Variants in CAMTA1 observed in about 807,000 individuals in gnomAD.
CAMTA1 encodes calmodulin-binding transcription activator 1.
A neutral mutation model predicts 170.9 loss-of-function variants in CAMTA1; 27 were observed. That is an observed-to-expected ratio of 0.16 (90% CI 0.12 to 0.22). The LOEUF is 0.22. Among genes scored for constraint, CAMTA1 ranks in the 10% least tolerant of loss-of-function variants. The pLI is 1.00. For missense variants in CAMTA1, 1,619 were observed against 2,217.2 expected (o/e 0.73, Z 5.42); for synonymous variants, 833 against 891.5 (o/e 0.93, Z 1.17).
chr1:7,276,303 A>ATTTTTTTT (rs1180773965), intron 5 of CAMTA1, among the ~76,000 whole-genome samples: 8 of 24,222 alleles, frequency 3.3e-4, no homozygotes, highest in Admixed American at 1.3e-3. Flanking sequence ...ATATATATAT[A>ATTTTTTTT]TTTTTTTTTT....
intron 3 of CAMTA1, among the ~76,000 whole-genome samples, chr1:7,034,022 A>AT (rs1354175558): frequency 1.3e-5 from 2 of 151,918 alleles, no homozygotes; most frequent in African/African-American, 4.8e-5. Flanking sequence ...TTCAGGGCTG[A>AT]TTTTTTTTAC....
intron 3 of CAMTA1, among the ~76,000 whole-genome samples, chr1:6,855,553 G>T (rs932673758): frequency 1.4e-4 from 21 of 151,682 alleles, no homozygotes; most frequent in Non-Finnish European, 3.1e-4. Flanking sequence ...CCAAAGGGAC[G>T]GTGCTAAGCC....
At chr1:7,470,198 GT>G (rs2093304827) in intron 6 of CAMTA1, among the ~76,000 whole-genome samples, 1 of 152,204 alleles carries the variant, frequency 6.6e-6, no homozygotes, top group African/African-American at 2.4e-5. Flanking sequence ...GCACACAGGT[GT>G]AGGGGGTTCC....
chr1:6,848,777 T>A (rs1478948661), intron 3 of CAMTA1, among the ~76,000 whole-genome samples: 1 of 152,190 alleles, frequency 6.6e-6, no homozygotes, highest in East Asian at 1.9e-4. Context: ...ATTTTGTAAA[T>A]ACTTAGGGGA....
At chr1:6,907,664 G>T (rs769045318) in intron 3 of CAMTA1, among the ~76,000 whole-genome samples, 3 of 152,222 alleles carry the variant, frequency 2.0e-5, no homozygotes, top group Non-Finnish European at 4.4e-5. Context: ...GAGTCGAGCA[G>T]CAGGTACGGG....
At chr1:6,899,595 G>C (rs892463360) in intron 3 of CAMTA1, among the ~76,000 whole-genome samples, 13 of 124,930 alleles carry the variant, frequency 1.0e-4, no homozygotes, top group South Asian at 2.6e-4. Context: ...CACACACACA[G>C]AGTTTCACTA....
At chr1:7,273,363 A>G (rs887481207) in intron 5 of CAMTA1, among the ~76,000 whole-genome samples, 5 of 152,274 alleles carry the variant, frequency 3.3e-5, no homozygotes, top group Non-Finnish European at 5.9e-5. Context: ...AATGTAGTCT[A>G]TCCATACAAT....
rs562149563 is a variant in CAMTA1, at chr1:7,524,793, G to A, written c.510+56892G>A. Among the ~76,000 whole-genome samples, 297 of 152,156 alleles carry A rather than the reference G, an allele frequency of 2.0e-3. 1 individual carries two copies. Among genetic ancestry groups the A allele is most frequent in the African/African-American group, 3.3e-3 (135 of 41,480 alleles). ...CCCCTCACAGGATCCTGGAGGGCCC[G>A]GTGGGTAAGGGGTCCACAGCCTCCC... On this transcript the variant is annotated intron_variant, in intron 6 of 22. Transcript: ENST00000303635.
intron 3 of CAMTA1, among the ~76,000 whole-genome samples, chr1:6,857,654 T>C (rs1422122700): frequency 6.6e-6 from 1 of 151,558 alleles, no homozygotes; most frequent in Non-Finnish European, 1.5e-5. Flanking sequence ...AGCTAGACCA[T>C]AGAGGGAAGA....
chr1:7,034,561 G>T (rs1310953347), intron 3 of CAMTA1, among the ~76,000 whole-genome samples: 1 of 152,228 alleles, frequency 6.6e-6, no homozygotes, highest in African/African-American at 2.4e-5. Context: ...CCTCTGCACA[G>T]CTCTGGAGTT....
At chr1:7,362,936 C>T (rs371453771) in intron 5 of CAMTA1, among the ~76,000 whole-genome samples, 3 of 145,884 alleles carry the variant, frequency 2.1e-5, no homozygotes, top group Middle Eastern at 4.2e-3. Context: ...TTGAATAGAG[C>T]GAGTGAACTT....
intron 5 of CAMTA1, among the ~76,000 whole-genome samples, chr1:7,320,156 G>A (rs186014170): frequency 6.6e-6 from 1 of 152,286 alleles, no homozygotes; most frequent in Non-Finnish European, 1.5e-5. Context: ...ACGTGGTAAG[G>A]TGATTGTAGG....
chr1:7,602,142 T>C (rs865919628), intron 6 of CAMTA1, among the ~76,000 whole-genome samples: 187 of 87,320 alleles, frequency 2.1e-3, no homozygotes, highest in South Asian at 3.2e-3. Flanking sequence ...CTTCCTTCCT[T>C]CCTCCCTCCC....
At chr1:6,875,362 G>GCT (rs1394602340) in intron 3 of CAMTA1, among the ~76,000 whole-genome samples, 1 of 152,124 alleles carries the variant, frequency 6.6e-6, no homozygotes, top group Non-Finnish European at 1.5e-5. Flanking sequence ...CGCGATCTCA[G>GCT]CTCACTGCAA....
At chr1:6,792,098 C>T (rs181606794) in intron 1 of CAMTA1, among the ~76,000 whole-genome samples, 5 of 151,978 alleles carry the variant, frequency 3.3e-5, no homozygotes, top group Non-Finnish European at 5.9e-5. Flanking sequence ...GGATTACAGG[C>T]GTGCACCACC....
chr1:6,821,370 C>G (rs1646468099), intron 2 of CAMTA1, among the ~76,000 whole-genome samples: 1 of 152,120 alleles, frequency 6.6e-6, no homozygotes, highest in Admixed American at 6.5e-5. Flanking sequence ...CTGCTGTGAG[C>G]ATTATGCTGA....
intron 5 of CAMTA1, among the ~76,000 whole-genome samples, chr1:7,380,574 C>CA (rs1054717054): frequency 2.6e-5 from 4 of 151,740 alleles, no homozygotes; most frequent in South Asian, 2.1e-4. Context: ...AACTCTGTCT[C>CA]AAAAAAAAGA....
chr1:7,293,043 CG>C lies in CAMTA1; in HGVS notation c.438+43419del, dbSNP rs1327575461. On this transcript the variant is annotated intron_variant, in intron 5 of 22. Transcript: ENST00000303635. This position sits in a 1 kb window ranked among gnomAD's most constrained non-coding sequence, Gnocchi z 4.1. ...AACCACCCTAGGAAGTGGCAAGCTC[CG>C]GCGGGGTGTCCTACTCCCTGCTGGG... Among the ~76,000 whole-genome samples, 2 of 152,254 alleles carry C rather than the reference CG, an allele frequency of 1.3e-5. No individual in the cohort carries two copies. Among genetic ancestry groups the C allele is most frequent in the African/African-American group, 4.8e-5 (2 of 41,564 alleles).
At chr1:7,539,354 G>C (rs11585303) in intron 6 of CAMTA1, among the ~76,000 whole-genome samples, 3 of 152,182 alleles carry the variant, frequency 2.0e-5, no homozygotes, top group Admixed American at 6.5e-5. Context: ...CTTTTCTTAT[G>C]GTGTCTGCAC....
Sources: allele counts gnomAD v4.1 joint callset (sites outside exome capture counted in the v4.1 genomes callset), GRCh38; gene constraint gnomAD v4.1.1; non-coding constraint Gnocchi (gnomAD v3.1); transcripts MANE v1.5; gene names NCBI Gene and HGNC (gene_info 2026-07-23, HGNC 2026-07-21).